The following CNKSR3 variants were observed in gnomAD, a reference collection of about 807,000 sequenced individuals.
CNKSR3 encodes connector enhancer of kinase suppressor of ras 3.
In CNKSR3, 36 loss-of-function variants were observed where a neutral mutation model predicts 67.7. That is an observed-to-expected ratio of 0.53 (90% CI 0.41 to 0.70). The LOEUF is 0.70. Ranked by LOEUF, CNKSR3 falls within the 30% of genes least tolerant of loss-of-function variation. CNKSR3 has a pLI of 0.00. For missense variants in CNKSR3, 630 were observed against 695.2 expected, an observed-to-expected ratio of 0.91 and a Z score of 1.05; for synonymous variants, 281 against 271.4, an observed-to-expected ratio of 1.04 and a Z score of -0.35.
chr6:154,422,316 T>C (rs989273051), intron 9 of CNKSR3, among the ~76,000 whole-genome samples, 190 bp downstream of exon 9: 1 of 152,228 alleles, frequency 6.6e-6, no homozygotes, highest in Non-Finnish European at 1.5e-5. Flanking sequence ...TCATATATGG[T>C]TACTGGCTAC....
chr6:154,419,272 T>A (rs1022847118), intron 9 of CNKSR3, among the ~76,000 whole-genome samples: 2 of 152,162 alleles, frequency 1.3e-5, no homozygotes, highest in Non-Finnish European at 2.9e-5. Context: ...CTTGAACTCC[T>A]GGGCTCAAAC....
At chr6:154,450,558 G>C (rs1315269760) in intron 1 of CNKSR3, among the ~76,000 whole-genome samples, 1 of 152,150 alleles carries the variant, frequency 6.6e-6, no homozygotes, top group Non-Finnish European at 1.5e-5. Context: ...TAATTATCTA[G>C]ACCAGACATG....
chr6:154,483,669 C>T (rs554265879), intron 1 of CNKSR3, among the ~76,000 whole-genome samples: 7 of 152,268 alleles, frequency 4.6e-5, no homozygotes, highest in South Asian at 4.1e-4. Flanking sequence ...TACTTTACTG[C>T]TCCTTGTGGA....
At position 154,410,389 on chromosome 6, in the gene CNKSR3, C is replaced by T. The variant is rs1270024109; in HGVS notation, c.1323G>A (p.Met441Ile). ...GTCTGGCAAAAGGGTCCACAATCCCCATCCAGTTCCCATCAGCAGGCATGG... is the reference window on the plus strand; with the variant it reads ...GTCTGGCAAAAGGGTCCACAATCCCTATCCAGTTCCCATCAGCAGGCATGG... ...PLSMPADGNW[M>I]GIVDPFARPR... Residue 441 changes from methionine (M) to isoleucine (I), a missense_variant, in exon 12 of 13, where the codon ATG becomes ATA. Transcript: ENST00000607772. The T allele has an allele frequency of 2.5e-6, 4 of 1,614,014 alleles. No homozygotes were observed. Among genetic ancestry groups the T allele is most frequent in the Non-Finnish European group, 3.4e-6 (4 of 1,180,004 alleles).
At chr6:154,503,193 T>C (rs1275531296) in intron 1 of CNKSR3, among the ~76,000 whole-genome samples, 1 of 152,148 alleles carries the variant, frequency 6.6e-6, no homozygotes, top group Non-Finnish European at 1.5e-5. Context: ...AACTATAGGA[T>C]AGTGTGACTA....
At chr6:154,506,197 C>T (rs1459599759) in intron 1 of CNKSR3, among the ~76,000 whole-genome samples, 3 of 150,788 alleles carry the variant, frequency 2.0e-5, no homozygotes, top group African/African-American at 7.3e-5. Context: ...TCTGACCAAA[C>T]TCCAAGTTTT....
At chr6:154,424,091 G>A (rs964560460) in intron 7 of CNKSR3, among the ~76,000 whole-genome samples, 1 of 152,114 alleles carries the variant, frequency 6.6e-6, no homozygotes, top group Non-Finnish European at 1.5e-5. Flanking sequence ...AATTAGCCAG[G>A]CATGGTGGCG....
chr6:154,420,241 AAT>A (rs1215042576), intron 9 of CNKSR3, among the ~76,000 whole-genome samples: 5 of 131,964 alleles, frequency 3.8e-5, no homozygotes, highest in Non-Finnish European at 6.6e-5. Flanking sequence ...AAAAAAAAAA[AAT>A]TGAACTCTTA....
At chr6:154,464,734 GA>G (rs1298657584) in intron 1 of CNKSR3, among the ~76,000 whole-genome samples, 2 of 150,156 alleles carry the variant, frequency 1.3e-5, no homozygotes, top group African/African-American at 4.9e-5. Flanking sequence ...AAAGGAAAAA[GA>G]AAAAAGAAAA....
intron 1 of CNKSR3, among the ~76,000 whole-genome samples, chr6:154,498,036 G>A (rs1786912375): frequency 6.6e-6 from 1 of 152,188 alleles, no homozygotes; most frequent in South Asian, 2.1e-4. Flanking sequence ...ACTCAACCAA[G>A]AGAAGCCGAA....
At position 154,416,802 on chromosome 6, in the gene CNKSR3, G is replaced by A. The variant is rs937446218; in HGVS notation, c.946-2379C>T. On this transcript the variant is annotated intron_variant, in intron 9 of 12. Coordinates refer to ENST00000607772, the MANE Select transcript of CNKSR3 (RefSeq NM_173515.4). ...ATTCTGAAAATATCCTGGGCACATC[G>A]CAAGAACACCTGGTAACTAAGCTAT... Among the ~76,000 whole-genome samples, 18 of 152,226 alleles carry A rather than the reference G, an allele frequency of 1.2e-4. No individual in the cohort carries two copies. The East Asian group carries it at 1.7e-3, about 15-fold the overall frequency.
intron 1 of CNKSR3, among the ~76,000 whole-genome samples, chr6:154,491,263 T>G (rs1351446784): frequency 6.6e-6 from 1 of 152,240 alleles, no homozygotes; most frequent in Non-Finnish European, 1.5e-5. Context: ...TCTAAATGCC[T>G]GTTGATTTGT....
Position 154,450,092 on chromosome 6 carries a change from A to G in CNKSR3, c.216+3T>C. Reference sequence around the variant, plus strand: ...GGTACAGACCGTCTTTTCCTGAACTAACCAGTGCACAGAGAAGGTCCACAG... The same window carrying G: ...GGTACAGACCGTCTTTTCCTGAACTGACCAGTGCACAGAGAAGGTCCACAG... On this transcript the variant is annotated splice_donor_region_variant and intron_variant, in intron 2 of 12. Transcript: ENST00000607772. 2 of 1,613,870 alleles carry G rather than the reference A, an allele frequency of 1.2e-6. No individual in the cohort carries two copies. Among genetic ancestry groups the G allele is most frequent in the South Asian group, 1.1e-5 (1 of 91,010 alleles).
At chr6:154,459,099 A>G (rs982826632) in intron 1 of CNKSR3, among the ~76,000 whole-genome samples, 5 of 151,712 alleles carry the variant, frequency 3.3e-5, no homozygotes, top group Non-Finnish European at 7.4e-5. Flanking sequence ...AAGAAAAAGA[A>G]AGAGAGAAAG....
rs1430361183 is a variant in CNKSR3 at position 154,398,140 on chromosome 6, T to G, written c.*8214A>C. 2.6e-5 allele frequency: 4 copies of G among 152,184 alleles called. No homozygotes were observed. The highest frequency in any genetic ancestry group is 9.7e-5 in the African/African-American group (4 of 41,416). The allele number at this position is 152,184 out of a possible 1,614,324, so 9.4% of individuals were successfully genotyped here. The stretch of plus-strand genomic sequence containing the variant: ...AAGCAGGGAAGGGGCAGGGAAAAAG[T>G]GGACACAACCCCACCCCAGTCCAGT... On this transcript the variant is annotated 3_prime_UTR_variant, in exon 13 of 13. Transcript: ENST00000607772.
chr6:154,407,872 G>GAAAAAAAAA (rs56406534), intron 12 of CNKSR3, among the ~76,000 whole-genome samples: 1 of 68,662 alleles, frequency 1.5e-5, no homozygotes, highest in Non-Finnish European at 2.6e-5. Flanking sequence ...TTTAGAATTT[G>GAAAAAAAAA]AAAAAAAAAA....
At chr6:154,441,746 C>T (rs1572659) in intron 3 of CNKSR3, among the ~76,000 whole-genome samples, 1 of 147,372 alleles carries the variant, frequency 6.8e-6, no homozygotes, top group Non-Finnish European at 1.5e-5. Context: ...AGATTAAAAA[C>T]AAAACAAAAC....
chr6:154,449,255 C>T (rs957946963), intron 2 of CNKSR3, among the ~76,000 whole-genome samples: 9 of 152,166 alleles, frequency 5.9e-5, no homozygotes, highest in South Asian at 4.1e-4. Flanking sequence ...GAAACTCAAC[C>T]GCTTTTTATA....
At position 154,405,056 on chromosome 6, in the gene CNKSR3, T is replaced by C. The variant is rs1259671701; in HGVS notation, c.*1298A>G. ...TGGAGTAGGAGATTTCGGCTCTGCC[T>C]AGGAAGATACCTCAGAAAATTCCCC... On this transcript the variant is annotated 3_prime_UTR_variant, in exon 13 of 13. Transcript: ENST00000607772. 1.3e-5 allele frequency: 2 copies of C among 152,204 alleles called. No homozygotes were observed. Among genetic ancestry groups the C allele is most frequent in the African/African-American group, 4.8e-5 (2 of 41,446 alleles). 9.4% of individuals were successfully genotyped at this position (152,204 alleles called of 1,614,324 possible).
Sources: allele counts gnomAD v4.1 joint callset (sites outside exome capture counted in the v4.1 genomes callset), GRCh38; gene constraint gnomAD v4.1.1; transcripts MANE v1.5; gene names NCBI Gene and HGNC (gene_info 2026-07-23, HGNC 2026-07-21).